Variants in NAALADL2 observed in about 807,000 individuals in gnomAD.
The protein encoded by NAALADL2 is N-acetylated alpha-linked acidic dipeptidase like 2.
A neutral mutation model predicts 87.2 loss-of-function variants in NAALADL2; 76 were observed. That is an observed-to-expected ratio of 0.87 (90% CI 0.72 to 1.05). The LOEUF is 1.05. Among genes scored for constraint, NAALADL2 ranks in the 50% least tolerant of loss-of-function variants. The pLI is 0.00. For missense variants in NAALADL2, 1,089 were observed against 945.8 expected (o/e 1.15, Z -1.99); for synonymous variants, 354 against 331.0 (o/e 1.07, Z -0.75).
chr3:175,218,203 A>G, intron 2 of NAALADL2: 1 of 366,616 alleles, frequency 2.7e-6, no homozygotes, highest in Non-Finnish European at 5.5e-6. Context: ...TTTATATATT[A>G]TGTAAATTCC....
At chr3:175,590,230 A>C (rs1320488154) in intron 10 of NAALADL2, among the ~76,000 whole-genome samples, 2 of 1,002 alleles carry the variant, frequency 2.0e-3, no homozygotes, top group Non-Finnish European at 4.0e-3. Flanking sequence ...ATATATATAT[A>C]TATATATATA....
chr3:175,399,030 T>TC (rs2149050520), intron 5 of NAALADL2, among the ~76,000 whole-genome samples: 1 of 152,008 alleles, frequency 6.6e-6, no homozygotes, highest in South Asian at 2.1e-4. Context: ...GGTACAATTT[T>TC]TTTTAACCTA....
At chr3:175,025,069 T>C (rs1318814625) in intron 1 of NAALADL2, among the ~76,000 whole-genome samples, 1 of 152,142 alleles carries the variant, frequency 6.6e-6, no homozygotes, top group Non-Finnish European at 1.5e-5. Context: ...TGAATCAAAT[T>C]CTCACTTTTT....
At chr3:175,612,811 T>G (rs962346505) in intron 10 of NAALADL2, among the ~76,000 whole-genome samples, 1 of 152,178 alleles carries the variant, frequency 6.6e-6, no homozygotes, top group Non-Finnish European at 1.5e-5. Flanking sequence ...CACCCCAAAT[T>G]TGAGAATATC....
chr3:175,722,552 C>T (rs1019285427), intron 11 of NAALADL2, among the ~76,000 whole-genome samples: 7 of 152,028 alleles, frequency 4.6e-5, no homozygotes, highest in African/African-American at 7.2e-5. Context: ...TTTATCATAA[C>T]GAAGGTAAAA....
intron 1 of NAALADL2, among the ~76,000 whole-genome samples, chr3:174,869,188 T>C (rs974415544): frequency 5.3e-5 from 8 of 152,026 alleles, no homozygotes; most frequent in African/African-American, 1.9e-4. Flanking sequence ...GGAGAATCAC[T>C]GGGAATGAGG....
chr3:175,710,048 T>C (rs1190272572), intron 11 of NAALADL2, among the ~76,000 whole-genome samples: 1 of 151,846 alleles, frequency 6.6e-6, no homozygotes, highest in Non-Finnish European at 1.5e-5. Flanking sequence ...TTTTTTAAGA[T>C]GGAAGATAAC....
intron 3 of NAALADL2, among the ~76,000 whole-genome samples, chr3:174,818,929 T>G (rs1166596095): frequency 1.3e-5 from 2 of 152,082 alleles, no homozygotes; most frequent in African/African-American, 4.8e-5. Context: ...TTTTTAACAT[T>G]CATTTTACTT....
At chr3:175,771,342 T>C (rs1194990512) in intron 13 of NAALADL2, among the ~76,000 whole-genome samples, 23 of 152,192 alleles carry the variant, frequency 1.5e-4, no homozygotes, top group Non-Finnish European at 1.3e-4. Context: ...AAATCAAAGG[T>C]TTTGTGATTC....
At chr3:174,796,306 A>G (rs1344526621) in intron 3 of NAALADL2, among the ~76,000 whole-genome samples, 2 of 152,176 alleles carry the variant, frequency 1.3e-5, no homozygotes, top group Non-Finnish European at 2.9e-5. Context: ...TGAGCTTTTA[A>G]TGCATTCATC....
At chr3:175,062,372 A>T (rs763660096) in intron 1 of NAALADL2, among the ~76,000 whole-genome samples, 1 of 151,944 alleles carries the variant, frequency 6.6e-6, no homozygotes, top group Non-Finnish European at 1.5e-5. Flanking sequence ...TCTTTGCTAG[A>T]TGCTGGGAAG....
At chr3:175,331,776 T>G (rs780071057) in intron 5 of NAALADL2, among the ~76,000 whole-genome samples, 3 of 152,142 alleles carry the variant, frequency 2.0e-5, no homozygotes, top group South Asian at 4.2e-4. Context: ...AAGAAAGAAA[T>G]AAAAAGACAT....
At chr3:174,816,292 G>T (rs13094559) in intron 3 of NAALADL2, among the ~76,000 whole-genome samples, 3 of 150,456 alleles carry the variant, frequency 2.0e-5, no homozygotes, top group African/African-American at 7.3e-5. Context: ...AGAACAGATA[G>T]TCTATATAGT....
chr3:174,533,893 T>C (rs1721473393), intron 1 of NAALADL2, among the ~76,000 whole-genome samples: 1 of 152,186 alleles, frequency 6.6e-6, no homozygotes, highest in Admixed American at 6.5e-5. Flanking sequence ...TGGCAAGAAA[T>C]GCAAGCTATC....
chr3:174,478,217 A>G lies in NAALADL2; in HGVS notation c.-184+37185A>G, dbSNP rs144674231. On this transcript the variant is annotated intron_variant, in intron 1 of 3. Transcript: ENST00000434257. ...AATATTTGTCTCATATTTTGGTTGT[A>G]TCTTCTGCTATGTTTTTGTTTATAG... Among the ~76,000 whole-genome samples, 3 of 152,242 alleles carry G rather than the reference A, an allele frequency of 2.0e-5. No individual in the cohort carries two copies. The East Asian group carries it at 5.8e-4, about 29-fold the overall frequency.
intron 4 of NAALADL2, among the ~76,000 whole-genome samples, chr3:175,290,244 C>G (rs1183329405): frequency 6.6e-6 from 1 of 151,922 alleles, no homozygotes; most frequent in Non-Finnish European, 1.5e-5. Context: ...TCATAAAAGC[C>G]CCATACTGGA....
chr3:175,243,676 A>G (rs190143679), intron 3 of NAALADL2, among the ~76,000 whole-genome samples: 81 of 151,722 alleles, frequency 5.3e-4, no homozygotes, highest in African/African-American at 1.9e-3. Flanking sequence ...AGCCAAGAAC[A>G]CTGCTCTGTA....
At position 174,563,142 on chromosome 3, in the gene NAALADL2, T is replaced by C. The variant is rs962191094; in HGVS notation, c.-115+12505T>C. 3.9e-5 allele frequency among the ~76,000 whole-genome samples: 6 copies of C among 152,096 alleles called. No individual in the cohort carries two copies. In the South Asian group the frequency reaches 6.2e-4, roughly 16 times the overall value. ...TGGATTTTCCACATGAAAGAGTATCTATAAAATTAAGATTTTTTTCTTTTA... is the reference window on the plus strand; with the variant it reads ...TGGATTTTCCACATGAAAGAGTATCCATAAAATTAAGATTTTTTTCTTTTA... On this transcript the variant is annotated intron_variant, in intron 2 of 3. Coordinates refer to the NAALADL2 transcript ENST00000434257.
intron 10 of NAALADL2, among the ~76,000 whole-genome samples, chr3:175,589,697 T>G (rs1721081940): frequency 6.6e-6 from 1 of 151,884 alleles, no homozygotes; most frequent in African/African-American, 2.4e-5. Flanking sequence ...GTTGAGCATT[T>G]TTAGAATTGA....
Sources: allele counts gnomAD v4.1 joint callset (sites outside exome capture counted in the v4.1 genomes callset), GRCh38; gene constraint gnomAD v4.1.1; transcripts MANE v1.5; gene names NCBI Gene and HGNC (gene_info 2026-07-23, HGNC 2026-07-21).